The following IMPG1 variants were observed in gnomAD, a reference collection of about 807,000 sequenced individuals.
IMPG1 encodes the protein interphotoreceptor matrix proteoglycan 1, also known as interphotoreceptor matrix proteoglycan of 150 kDa.
In IMPG1, 85 loss-of-function variants were observed where a neutral mutation model predicts 92.0. The observed-to-expected ratio is 0.92, with a 90% CI of 0.78 to 1.11. The LOEUF (loss-of-function observed/expected upper bound fraction) is 1.11, where lower values mean the gene tolerates loss of function less well. Among genes scored for constraint, IMPG1 ranks in the 50% least tolerant of loss-of-function variants. The pLI, the probability that IMPG1 is intolerant of heterozygous loss-of-function variation, is 0.00. For missense variants in IMPG1, 1,022 were observed against 956.0 expected (o/e 1.07, Z -0.91); for synonymous variants, 367 against 334.1 (o/e 1.10, Z -1.08).
At chr6:75,961,404 T>C (rs1212341826) in intron 12 of IMPG1, among the ~76,000 whole-genome samples, 1 of 152,198 alleles carries the variant, frequency 6.6e-6, no homozygotes, top group African/African-American at 2.4e-5. Flanking sequence ...AATTATCCAC[T>C]CATTCAACAA....
chr6:75,958,267 T>C (rs560167075), intron 12 of IMPG1, among the ~76,000 whole-genome samples: 2 of 152,358 alleles, frequency 1.3e-5, no homozygotes, highest in South Asian at 2.1e-4. Flanking sequence ...GTTAATCTGA[T>C]GGGCTTCCCT....
Position 76,005,348 on chromosome 6 carries a change from CAGCCTTTTG to C in IMPG1, c.1065_1073del (p.Lys356_Leu358del). 1 of 1,614,024 alleles carries C rather than the reference CAGCCTTTTG, an allele frequency of 6.2e-7. No individual in the cohort carries two copies. Among genetic ancestry groups the C allele is most frequent in the Non-Finnish European group, 8.5e-7 (1 of 1,179,914 alleles). On this transcript the variant is annotated inframe_deletion, in exon 10 of 17. Coordinates refer to ENST00000369950, the MANE Select transcript of IMPG1 (RefSeq NM_001563.4). Reference sequence around the variant, plus strand: ...GTTCTTCCTCTAGTGCTTTGCTGATCAGCCTTTTGAGGTCTGTAGCTGTGAGATAGATTT... The same window carrying C: ...GTTCTTCCTCTAGTGCTTTGCTGATCAGGTCTGTAGCTGTGAGATAGATTT...
At chr6:75,999,550 C>A (rs1050713993) in intron 12 of IMPG1, among the ~76,000 whole-genome samples, 3 of 152,296 alleles carry the variant, frequency 2.0e-5, no homozygotes, top group African/African-American at 4.8e-5. Flanking sequence ...GTCCAGAGTG[C>A]CCCTGCACTT....
chr6:75,933,638 C>T (rs1293781052), intron 14 of IMPG1, among the ~76,000 whole-genome samples: 1 of 152,194 alleles, frequency 6.6e-6, no homozygotes, highest in Admixed American at 6.5e-5. Context: ...GGCCAGAGGT[C>T]CGGGCCTAGT....
rs149467231 is a variant in IMPG1, at chr6:76,021,600, T to G, written c.666+516A>C. ...CCTCTTTGCCTTAGAACACTGTGTT[T>G]ATTTTTCCCTAGTTTTACACACAGG... On this transcript the variant is annotated intron_variant, in intron 6 of 16. Transcript: ENST00000369950. 3.6e-3 allele frequency among the ~76,000 whole-genome samples: 550 copies of G among 152,000 alleles called. 3 individuals carry two copies. Among genetic ancestry groups the G allele is most frequent in the African/African-American group, 0.013 (520 of 41,454 alleles).
At chr6:76,059,521 C>A (rs568283869) in intron 1 of IMPG1, among the ~76,000 whole-genome samples, 1 of 152,128 alleles carries the variant, frequency 6.6e-6, no homozygotes, top group East Asian at 1.9e-4. Flanking sequence ...TAGAAATGGC[C>A]CAGAACCAGC....
chr6:75,931,180 A>C, intron 14 of IMPG1, 29 bp from the exon 15 acceptor site: 1 of 1,580,084 alleles, frequency 6.3e-7, no homozygotes, highest in Non-Finnish European at 8.6e-7. Context: ...ATTTTAACGC[A>C]TGTATGAATA....
At chr6:75,993,932 G>A (rs1346060920) in intron 12 of IMPG1, among the ~76,000 whole-genome samples, 1 of 152,170 alleles carries the variant, frequency 6.6e-6, no homozygotes, top group African/African-American at 2.4e-5. Context: ...ACAGAACCAA[G>A]CCAGCTTCCA....
At chr6:75,985,671 A>G (rs1378304525) in intron 12 of IMPG1, among the ~76,000 whole-genome samples, 2 of 152,142 alleles carry the variant, frequency 1.3e-5, no homozygotes. Flanking sequence ...TTTCAATCCT[A>G]CTATTCCATT....
At position 75,930,878 on chromosome 6, in the gene IMPG1, TTACTC is replaced by T. The variant is rs1193203613; in HGVS notation, c.2243+70_2243+74del. On this transcript the variant is annotated intron_variant, in intron 15 of 16. Coordinates refer to ENST00000369950, the MANE Select transcript of IMPG1 (RefSeq NM_001563.4). ...CATGGGTTGAAAGGACCATATGAAT[TTACTC>T]TAATGATGGGTTTCTCAGAAGTGTA... 8.4e-6 allele frequency: 11 copies of T among 1,310,956 alleles called. No individual in the cohort carries two copies. In the African/African-American group the frequency reaches 1.5e-4, roughly 17 times the overall value. 81.2% of individuals were successfully genotyped at this position (1,310,956 alleles called of 1,614,324 possible).
chr6:76,052,021 T>C (rs1784051429), intron 1 of IMPG1, among the ~76,000 whole-genome samples: 1 of 151,822 alleles, frequency 6.6e-6, no homozygotes, highest in South Asian at 2.1e-4. Context: ...CTAAATCTAT[T>C]GGTGGCATGC....
At position 75,950,486 on chromosome 6, in the gene IMPG1, C is replaced by T. The variant is rs911054989; in HGVS notation, c.1824+76G>A. On this transcript the variant is annotated intron_variant, in intron 13 of 16. Coordinates refer to ENST00000369950, the MANE Select transcript of IMPG1 (RefSeq NM_001563.4). ...TACTAACACTAATTGCTCAAGACAG[C>T]CAATAATTATATTATAAAATAACAA... 1.5e-5 allele frequency: 20 copies of T among 1,295,306 alleles called. No homozygotes were observed. In the African/African-American group the frequency reaches 3.0e-4, roughly 19 times the overall value. 80.2% of individuals were successfully genotyped at this position (1,295,306 alleles called of 1,614,324 possible).
At chr6:76,019,795 C>T (rs1161313955) in intron 6 of IMPG1, among the ~76,000 whole-genome samples, 1 of 152,060 alleles carries the variant, frequency 6.6e-6, no homozygotes, top group Non-Finnish European at 1.5e-5. Context: ...TTTTGTTAGG[C>T]AAATTGGAAG....
chr6:76,034,553 G>C (rs1783702649), intron 3 of IMPG1, 68 bp downstream of exon 3: 6 of 1,526,838 alleles, frequency 3.9e-6, no homozygotes, highest in Non-Finnish European at 5.4e-6. Context: ...AATTCAAAAG[G>C]CCTAGGGGCT....
chr6:76,063,060 C>T (rs969107673), intron 1 of IMPG1, among the ~76,000 whole-genome samples: 1 of 151,786 alleles, frequency 6.6e-6, no homozygotes, highest in Non-Finnish European at 1.5e-5. Context: ...AAAAATTAGC[C>T]AGGCATGGTG....
intron 6 of IMPG1, among the ~76,000 whole-genome samples, chr6:76,019,811 T>C (rs1344409956): frequency 6.6e-6 from 1 of 152,220 alleles, no homozygotes; most frequent in Non-Finnish European, 1.5e-5. Context: ...GGAAGTTTCA[T>C]GGAACATTTA....
chr6:75,959,471 C>T (rs1031288885), intron 12 of IMPG1, among the ~76,000 whole-genome samples: 7 of 152,148 alleles, frequency 4.6e-5, no homozygotes, highest in Non-Finnish European at 8.8e-5. Flanking sequence ...CATCCACAGC[C>T]CCCCCTTCCC....
chr6:75,996,401 G>A (rs1782902867), intron 12 of IMPG1, among the ~76,000 whole-genome samples: 6 of 152,150 alleles, frequency 3.9e-5, no homozygotes, highest in South Asian at 2.1e-4. Context: ...AGCATGGAAG[G>A]AAGAGAAAGA....
At chr6:75,952,947 C>T (rs1487112346) in intron 12 of IMPG1, among the ~76,000 whole-genome samples, 1 of 152,186 alleles carries the variant, frequency 6.6e-6, no homozygotes, top group Non-Finnish European at 1.5e-5. Context: ...GACATCCAGT[C>T]CATGATATTT....
Sources: gnomAD v4.1 joint callset for allele counts (sites outside exome capture counted in the v4.1 genomes callset) on GRCh38, gnomAD v4.1.1 for gene constraint, MANE v1.5 for transcripts, NCBI Gene and HGNC (gene_info 2026-07-23, HGNC 2026-07-21) for gene names.